Variants in LLPH observed in about 807,000 individuals in gnomAD.
LLPH encodes LLP homolog, long-term synaptic facilitation factor.
Under a neutral mutation model 13.3 loss-of-function variants are expected in LLPH, and 5 were observed. The ratio of observed to expected loss-of-function variants is 0.38; its 90% CI spans 0.20 to 0.79. The LOEUF is 0.79. Among genes scored for constraint, LLPH ranks in the 30% least tolerant of loss-of-function variants. The pLI, the probability that LLPH is intolerant of heterozygous loss-of-function variation, is 0.45. For missense variants in LLPH, 129 were observed against 152.1 expected, an observed-to-expected ratio of 0.85 and a Z score of 0.80; for synonymous variants, 32 against 44.2, an observed-to-expected ratio of 0.72 and a Z score of 1.09.
Position 66,129,085 on chromosome 12 carries a change from T to A in LLPH, c.22A>T (p.Lys8Ter). The A allele has an allele frequency of 6.2e-7, 1 of 1,611,662 alleles. No homozygotes were observed. Among genetic ancestry groups the A allele is most frequent in the Non-Finnish European group, 8.5e-7 (1 of 1,178,728 alleles). The change falls in exon 2 of 3, where the codon AAG becomes TAG. Residue 8 changes from lysine (K) to a stop codon, truncating the protein, a stop_gained. Coordinates refer to ENST00000266604, the MANE Select transcript of LLPH (RefSeq NM_032338.4). LOFTEE classifies it high-confidence loss of function. ...TCAGCACGCATCTTTCTTTTCCACT[T>A]ACTCCGTAAGCTTTTAGCCATGTTT... is the stretch of plus-strand genomic sequence containing the variant. MAKSLRSKWKRKMRAEKR... is the reference protein window; with the variant it reads MAKSLRS
chr12:66,124,875 G>T (rs996940112), intron 2 of LLPH, among the ~76,000 whole-genome samples: 17 of 152,130 alleles, frequency 1.1e-4, no homozygotes, highest in African/African-American at 3.4e-4. Context: ...TCTGTTGACG[G>T]GAGAATAACA....
chr12:66,120,019 T>C lies in LLPH; in HGVS notation c.*3821A>G, dbSNP rs1202298381. 6.6e-6 allele frequency: 1 copy of C among 152,252 alleles called. No homozygotes were observed. The highest frequency in any genetic ancestry group is 1.5e-5 in the Non-Finnish European group (1 of 68,040). 9.4% of individuals were successfully genotyped at this position (152,252 alleles called of 1,614,324 possible). On this transcript the variant is annotated 3_prime_UTR_variant, in exon 3 of 3. Transcript: ENST00000266604. ...GAAAATAGGATGTGGTCAAAACCAC[T>C]ACTTGATTCTACCTTAGAGCTTCAA... is the stretch of plus-strand genomic sequence containing the variant.
In LLPH at chr12:66,121,088, T is replaced by C. The variant is rs1312485698; in HGVS notation, c.*2752A>G. ...TTAAATCCTGAATGGACAAACTTCA[T>C]GACTGGACACAATGAAGTGAAAATC... is the stretch of plus-strand genomic sequence containing the variant. On this transcript the variant is annotated 3_prime_UTR_variant, in exon 3 of 3. Coordinates refer to ENST00000266604, the MANE Select transcript of LLPH (RefSeq NM_032338.4). 1 of 152,176 alleles carries C rather than the reference T, an allele frequency of 6.6e-6. No homozygotes were observed. Among genetic ancestry groups the C allele is most frequent in the Non-Finnish European group, 1.5e-5 (1 of 68,024 alleles). The allele number at this position is 152,176 out of a possible 1,614,324, so 9.4% of individuals were successfully genotyped here.
chr12:66,123,907 T>G lies in LLPH; in HGVS notation c.323A>C (p.Lys108Thr). 6.2e-7 allele frequency: 1 copy of G among 1,612,702 alleles called. No individual in the cohort carries two copies. The highest frequency in any genetic ancestry group is 8.5e-7 in the Non-Finnish European group (1 of 1,179,642). Residue 108 changes from lysine (K) to threonine (T), a missense_variant, in exon 3 of 3, where the codon AAG becomes ACG. Transcript: ENST00000266604. ...GCTTTTCCCCTTTCTTTTCTCTCGC[T>G]TTGCCTTCAGCCTTTTTCTTTGCCT... ...NQRQRKRLKAKREKRKGKSKA... is the reference protein window; with the variant it reads ...NQRQRKRLKATREKRKGKSKA...
rs185428831 is a variant in LLPH, at chr12:66,124,080, A to G, written c.212-62T>C. ...ATGAAAAAAACCACCCTGTGAAAGC[A>G]TATTAATGCACTGAGAACATCAGAA... On this transcript the variant is annotated intron_variant, in intron 2 of 2. Transcript: ENST00000266604. 2,080 of 1,092,192 alleles carry G rather than the reference A, an allele frequency of 1.9e-3. 3 individuals are homozygous for G. Among genetic ancestry groups the G allele is most frequent in the Non-Finnish European group, 2.5e-3 (1,868 of 745,508 alleles). 67.7% of individuals were successfully genotyped at this position (1,092,192 alleles called of 1,614,324 possible).
Position 66,124,029 on chromosome 12 carries a change from A to G in LLPH, c.212-11T>C. On this transcript the variant is annotated splice_polypyrimidine_tract_variant and intron_variant, in intron 2 of 2. Coordinates refer to ENST00000266604, the MANE Select transcript of LLPH (RefSeq NM_032338.4). ...CCATTTTCATGTCATCTGCATAAAA[A>G]GATGGAAAAACTATTAACACCATGT... 1 of 1,586,322 alleles carries G rather than the reference A, an allele frequency of 6.3e-7. No individual in the cohort carries two copies. The highest frequency in any genetic ancestry group is 1.2e-5 in the South Asian group (1 of 86,644).
rs1160752217 is a variant in LLPH, at chr12:66,119,494, C to A, written c.*4346G>T. The A allele has an allele frequency of 6.6e-6, 1 of 152,196 alleles. No homozygotes were observed. Among genetic ancestry groups the A allele is most frequent in the Non-Finnish European group, 1.5e-5 (1 of 68,028 alleles). 9.4% of individuals were successfully genotyped at this position (152,196 alleles called of 1,614,324 possible). A position where few individuals can be genotyped will look rare whatever the true frequency, so the allele number is the denominator to read the frequency against. ...ACCTGATGTAAGTATTTAACAGTCC[C>A]ACCTCACCCCTAAACATTTCCTTGT... On this transcript the variant is annotated 3_prime_UTR_variant, in exon 3 of 3. Transcript: ENST00000266604.
chr12:66,127,877 C>G (rs754863792), intron 2 of LLPH, among the ~76,000 whole-genome samples: 9 of 152,100 alleles, frequency 5.9e-5, no homozygotes, highest in Non-Finnish European at 4.4e-5. Context: ...TTGGCAATGA[C>G]CCAGTGGAGG....
rs2051441314 is a variant in LLPH at position 66,118,264 on chromosome 12, G to A, written c.*5576C>T. 4 of 151,636 alleles carry A rather than the reference G, an allele frequency of 2.6e-5. No individual in the cohort carries two copies. The highest frequency in any genetic ancestry group is 5.9e-5 in the Non-Finnish European group (4 of 68,070). The allele number at this position is 151,636 out of a possible 1,614,324, so 9.4% of individuals were successfully genotyped here. On this transcript the variant is annotated 3_prime_UTR_variant, in exon 3 of 3. Transcript: ENST00000266604. ...TGTAATCCTAGCTAGTCGGGAGGTT[G>A]AGGCAGAAGAATTGCTTGAACCCAG... is the stretch of plus-strand genomic sequence containing the variant.
At chr12:66,124,340 C>T (rs1565777002) in intron 2 of LLPH, among the ~76,000 whole-genome samples, 2 of 152,186 alleles carry the variant, frequency 1.3e-5, no homozygotes, top group South Asian at 2.1e-4. Flanking sequence ...AAGGGATACA[C>T]CTTAGATGTA....
At chr12:66,124,126 C>T (rs964061607) in intron 2 of LLPH, 108 bp from the exon 3 acceptor site, 2 of 667,726 alleles carry the variant, frequency 3.0e-6, no homozygotes, top group African/African-American at 1.8e-5. Context: ...GAAGGTAGAC[C>T]GAAAATAGAG....
intron 1 of LLPH, among the ~76,000 whole-genome samples, 166 bp from the exon 2 acceptor site, chr12:66,129,279 A>T (rs993320143): frequency 3.9e-5 from 6 of 152,214 alleles, no homozygotes; most frequent in Non-Finnish European, 7.3e-5. Context: ...TTATATGAAG[A>T]TCAACATGGT....
chr12:66,129,199 G>T, intron 1 of LLPH, 86 bp from the exon 2 acceptor site: 1 of 851,614 alleles, frequency 1.2e-6, no homozygotes, highest in Non-Finnish European at 1.9e-6. Context: ...CAGGCCAACA[G>T]GTATCTCTAC....
rs1302760737 is a variant in LLPH, at chr12:66,118,762, T to G, written c.*5078A>C. On this transcript the variant is annotated 3_prime_UTR_variant, in exon 3 of 3. Coordinates refer to ENST00000266604, the MANE Select transcript of LLPH (RefSeq NM_032338.4). ...CTTCTCAGAACACATCCCAGTCATT[T>G]AGTGACATATGACTATATATGGGAG... 1 of 152,236 alleles carries G rather than the reference T, an allele frequency of 6.6e-6. No individual in the cohort carries two copies. The highest frequency in any genetic ancestry group is 6.5e-5 in the Admixed American group (1 of 15,280). 9.4% of individuals were successfully genotyped at this position (152,236 alleles called of 1,614,324 possible).
intron 1 of LLPH, 200 bp downstream of exon 1, chr12:66,130,505 C>A (rs1480540326): frequency 1.3e-5 from 2 of 152,214 alleles, no homozygotes; most frequent in African/African-American, 4.8e-5. Flanking sequence ...GGGGTGGGCT[C>A]CACTTTATCC....
At chr12:66,126,131 T>C (rs1467940926) in intron 2 of LLPH, among the ~76,000 whole-genome samples, 1 of 151,974 alleles carries the variant, frequency 6.6e-6, no homozygotes, top group Non-Finnish European at 1.5e-5. Flanking sequence ...GAGACCATCC[T>C]GGCTAACATG....
chr12:66,117,622 T>TA lies in LLPH; in HGVS notation c.*6217dup, dbSNP rs1389271079. 6.6e-6 allele frequency: 1 copy of TA among 152,186 alleles called. No homozygotes were observed. The highest frequency in any genetic ancestry group is 2.4e-5 in the African/African-American group (1 of 41,436). 9.4% of individuals were successfully genotyped at this position (152,186 alleles called of 1,614,324 possible). ...TATTTTAGAGTGTACTCCTTCTACT[T>TA]AAAGAAAAAGTTGACTGTGAACAGC... On this transcript the variant is annotated 3_prime_UTR_variant, in exon 3 of 3. Transcript: ENST00000266604.
Position 66,123,883 on chromosome 12 carries a change from C to T in LLPH, c.347G>A (p.Ser116Asn), listed in dbSNP as rs2051479710. ...KAKREKRKGK[S>N]KAKAVKVAKG... ...TGCCACTTTCACTGCTTTTGCTTTGCTTTTCCCCTTTCTTTTCTCTCGCTT... is the reference window on the plus strand; with the variant it reads ...TGCCACTTTCACTGCTTTTGCTTTGTTTTTCCCCTTTCTTTTCTCTCGCTT... The change falls in exon 3 of 3, where the codon AGC becomes AAC. Residue 116 changes from serine (S) to asparagine (N), a missense_variant. Physicochemically the swap from Ser to Asn is conservative, Grantham distance 46. Coordinates refer to ENST00000266604, the MANE Select transcript of LLPH (RefSeq NM_032338.4). 1.2e-6 allele frequency: 2 copies of T among 1,612,234 alleles called. No individual in the cohort carries two copies. The highest frequency in any genetic ancestry group is 1.7e-6 in the Non-Finnish European group (2 of 1,179,836).
Position 66,116,639 on chromosome 12 carries a change from A to C in LLPH, c.*7201T>G, listed in dbSNP as rs896550621. On this transcript the variant is annotated 3_prime_UTR_variant, in exon 3 of 3. Transcript: ENST00000266604. The stretch of plus-strand genomic sequence containing the variant: ...GTACAATGATACACAACACCCAACT[A>C]AGACTATTTAAAGGTTTTGCTGATA... 2.0e-5 allele frequency: 3 copies of C among 152,210 alleles called. No individual in the cohort carries two copies. Among genetic ancestry groups the C allele is most frequent in the Non-Finnish European group, 4.4e-5 (3 of 68,030 alleles). The allele number at this position is 152,210 out of a possible 1,614,324, so 9.4% of individuals were successfully genotyped here.
Sources: gnomAD v4.1 joint callset for allele counts (sites outside exome capture counted in the v4.1 genomes callset) on GRCh38, gnomAD v4.1.1 for gene constraint, MANE v1.5 for transcripts, NCBI Gene and HGNC (gene_info 2026-07-23, HGNC 2026-07-21) for gene names.